Variants in MTOR observed in about 807,000 individuals in gnomAD.
MTOR encodes the protein mechanistic target of rapamycin kinase.
MTOR carries 70 observed loss-of-function variants against 319.8 expected under a neutral mutation model. That is an observed-to-expected ratio of 0.22 (90% CI 0.18 to 0.27). The LOEUF is 0.27. MTOR is among the 10% of genes least tolerant of loss of function. The pLI is 1.00. For missense variants in MTOR, 1,890 were observed against 3,274.4 expected, an observed-to-expected ratio of 0.58 and a Z score of 10.32; for synonymous variants, 1,183 against 1,211.4, an observed-to-expected ratio of 0.98 and a Z score of 0.49.
intron 5 of MTOR, among the ~76,000 whole-genome samples, chr1:11,254,817 T>C (rs2100970035): frequency 6.6e-6 from 1 of 151,412 alleles, no homozygotes; most frequent in East Asian, 2.0e-4. Flanking sequence ...AAGTCTGGAG[T>C]GCAGTGGCAT....
intron 28 of MTOR, among the ~76,000 whole-genome samples, chr1:11,182,906 C>T (rs140168385): frequency 2.0e-5 from 3 of 152,262 alleles, no homozygotes; most frequent in East Asian, 3.9e-4. Context: ...TTGGCTATTA[C>T]GAGGGGTAGT....
At chr1:11,204,220 T>C (rs1446226445) in intron 26 of MTOR, among the ~76,000 whole-genome samples, 2 of 152,248 alleles carry the variant, frequency 1.3e-5, no homozygotes, top group African/African-American at 4.8e-5. Context: ...GACCTTTTTT[T>C]TCCTGTGGTA....
rs1434396012 is a variant in MTOR, at chr1:11,254,106, A to C, written c.706-133T>G. The C allele has an allele frequency of 5.1e-6, 5 of 989,828 alleles. No individual in the cohort carries two copies. The Admixed American group carries it at 1.0e-4, about 20-fold the overall frequency. 61.3% of individuals were successfully genotyped at this position (989,828 alleles called of 1,614,324 possible). On this transcript the variant is annotated intron_variant, in intron 5 of 57. Coordinates refer to ENST00000361445, the MANE Select transcript of MTOR (RefSeq NM_004958.4). Reference sequence around the variant, plus strand: ...CAGTGCCTAGTGCCAGTCATCAACAAAACTAACTGATCAATCTCTTTTATT... The same window carrying C: ...CAGTGCCTAGTGCCAGTCATCAACACAACTAACTGATCAATCTCTTTTATT...
At chr1:11,119,754 A>C (rs1276681785) in intron 49 of MTOR, among the ~76,000 whole-genome samples, 3 of 151,446 alleles carry the variant, frequency 2.0e-5, no homozygotes, top group Non-Finnish European at 4.4e-5. Flanking sequence ...TCAAAAAAAA[A>C]AAACAAAACA....
chr1:11,144,484 G>C (rs1643859725), intron 34 of MTOR, 164 bp downstream of exon 34: 1 of 562,922 alleles, frequency 1.8e-6, no homozygotes, highest in African/African-American at 1.9e-5. Flanking sequence ...AAGTTTAGGT[G>C]AGGAGCCTTT....
chr1:11,169,923 C>T (rs140958801), intron 28 of MTOR, among the ~76,000 whole-genome samples: 1 of 152,308 alleles, frequency 6.6e-6, no homozygotes, highest in African/African-American at 2.4e-5. Context: ...ATAACATACA[C>T]CTACGGTGGA....
intron 46 of MTOR, among the ~76,000 whole-genome samples, chr1:11,125,634 G>T (rs1442738601): frequency 6.6e-6 from 1 of 151,350 alleles, no homozygotes; most frequent in Non-Finnish European, 1.5e-5. Flanking sequence ...GGAGGCTGAG[G>T]CACGAGAATC....
chr1:11,161,353 T>C (rs903058725), intron 29 of MTOR, among the ~76,000 whole-genome samples: 2 of 152,134 alleles, frequency 1.3e-5, no homozygotes, highest in African/African-American at 4.8e-5. Flanking sequence ...ACTCCACCTC[T>C]AGGGGCAGGG....
rs150674137 is a variant in MTOR at position 11,125,851 on chromosome 1, G to C, written c.6526+771C>G. Among the ~76,000 whole-genome samples the C allele has an allele frequency of 1.7e-3, 263 of 151,822 alleles. 1 individual carries two copies. The highest frequency in any genetic ancestry group is 3.3e-3 in the Non-Finnish European group (222 of 67,944). On this transcript the variant is annotated intron_variant, in intron 46 of 57. Transcript: ENST00000361445. ...GAGGTCAGAGTTCGAGACCAGCCTG[G>C]CCAACATGGTGAAACCCCAACTCTA...
chr1:11,229,261 ATAAAG>A (rs1278727916), intron 18 of MTOR, among the ~76,000 whole-genome samples: 1 of 152,182 alleles, frequency 6.6e-6, no homozygotes, highest in Non-Finnish European at 1.5e-5. Context: ...CTCCCCCAAA[ATAAAG>A]TAAAGGGAAT....
Position 11,128,179 on chromosome 1 carries a change from G to A in MTOR, c.5911-53C>T, listed in dbSNP as rs2100415462. ...TAAAGGAAATGTGGGTTGGGGAAGA[G>A]CTGGTATGAATTTTAAGGAGAATAA... On this transcript the variant is annotated intron_variant, in intron 42 of 57. Transcript: ENST00000361445. The surrounding 1 kb of genome is among the most constrained non-coding windows in gnomAD (Gnocchi z 5.3). 6.2e-7 allele frequency: 1 copy of A among 1,605,630 alleles called. No homozygotes were observed.
Position 11,126,693 on chromosome 1 carries a change from C to T in MTOR, c.6455G>A (p.Arg2152His), listed in dbSNP as rs764978010. The change falls in exon 46 of 58, where the codon CGC (arginine) becomes CAC (histidine). Residue 2152 changes from arginine (R) to histidine (H), a missense_variant. Physicochemically the swap from Arg to His is conservative, Grantham distance 29. Transcript: ENST00000361445. ...CAAAGACGGTGCTATGGACTGAATG[C>T]GAATGATTGGCTGGTTGGGGTCATA... ...GTYDPNQPII[R>H]IQSIAPSLQV... is the part of the protein sequence containing the mutation. 3.1e-6 allele frequency: 5 copies of T among 1,613,768 alleles called. No individual in the cohort carries two copies. The highest frequency in any genetic ancestry group is 2.2e-5 in the East Asian group (1 of 44,874).
intron 30 of MTOR, chr1:11,152,369 A>G (rs2100546299): frequency 6.6e-6 from 1 of 152,334 alleles, no homozygotes; most frequent in African/African-American, 2.4e-5. Flanking sequence ...TTGGCAGCAC[A>G]TATACTAAAA....
intron 1 of MTOR, among the ~76,000 whole-genome samples, chr1:11,260,473 C>T (rs920708437): frequency 6.6e-6 from 1 of 151,270 alleles, no homozygotes; most frequent in African/African-American, 2.4e-5. Flanking sequence ...ACCCAGGAGG[C>T]AGAGGTTGCA....
chr1:11,194,643 T>C (rs758931322), intron 28 of MTOR: 2 of 1,614,126 alleles, frequency 1.2e-6, no homozygotes, highest in Non-Finnish European at 1.7e-6. Flanking sequence ...TGGACAAGTG[T>C]GCACAGCTCC....
intron 19 of MTOR, among the ~76,000 whole-genome samples, chr1:11,224,378 T>C (rs1646763574): frequency 6.6e-6 from 1 of 152,118 alleles, no homozygotes; most frequent in South Asian, 2.1e-4. Context: ...CAGGAAGATA[T>C]CAGGATTTAA....
In MTOR at chr1:11,231,383, C is replaced by T. The variant is rs1421760998; in HGVS notation, c.2566G>A (p.Glu856Lys). 1 of 1,614,168 alleles carries T rather than the reference C, an allele frequency of 6.2e-7. No individual in the cohort carries two copies. Among genetic ancestry groups the T allele is most frequent in the Admixed American group, 1.7e-5 (1 of 60,020 alleles). ...AAAGTAGGGTACTTCCTGTAGGGCT[C>T]TACTACATAGCCAGTGCTGGCCACC... ...QLVASTGYVV[E>K]PYRKYPTLLE... The change falls in exon 17 of 58, where the codon GAG (glutamate) becomes AAG (lysine). Residue 856 changes from glutamate (E) to lysine (K), a missense_variant. Transcript: ENST00000361445.
Position 11,199,655 on chromosome 1 carries a change from T to C in MTOR, c.3993A>G (p.Glu1331=), listed in dbSNP as rs781447964. 1.1e-5 allele frequency: 17 copies of C among 1,614,074 alleles called. No homozygotes were observed. ...AFVSCWSELN[E]DQQDELIRSI... ...TTCTGATGAGCTCATCCTGTTGATC[T>C]TCATTCAGTTCAGACCAGCAGGACA... The change falls in exon 27 of 58, where the codon GAA becomes GAG. Residue 1331 remains glutamate (E), a synonymous_variant. Coordinates refer to ENST00000361445, the MANE Select transcript of MTOR (RefSeq NM_004958.4). The surrounding 1 kb of genome is among the most constrained non-coding windows in gnomAD (Gnocchi z 4.5).
At chr1:11,158,682 C>G (rs1404454724) in intron 29 of MTOR, among the ~76,000 whole-genome samples, 2 of 151,436 alleles carry the variant, frequency 1.3e-5, no homozygotes, top group Admixed American at 1.3e-4. Flanking sequence ...TTTAAAAGCA[C>G]TGGTAGATTT....
Sources: allele counts gnomAD v4.1 joint callset (sites outside exome capture counted in the v4.1 genomes callset), GRCh38; gene constraint gnomAD v4.1.1; non-coding constraint Gnocchi (gnomAD v3.1); transcripts MANE v1.5; gene names NCBI Gene and HGNC (gene_info 2026-07-23, HGNC 2026-07-21).